Variants in DCLK2 observed in about 807,000 individuals in gnomAD.
The protein encoded by DCLK2 is doublecortin like kinase 2.
DCLK2 carries 31 observed loss-of-function variants against 78.4 expected under a neutral mutation model. The ratio of observed to expected loss-of-function variants is 0.40; its 90% confidence interval spans 0.30 to 0.53. The LOEUF is 0.53. Among genes scored for constraint, DCLK2 ranks in the 20% least tolerant of loss-of-function variants. The pLI, the probability that DCLK2 is intolerant of heterozygous loss-of-function variation, is 0.61. For missense variants in DCLK2, 872 were observed against 973.7 expected, an observed-to-expected ratio of 0.90 and a Z score of 1.39; for synonymous variants, 407 against 374.9, an observed-to-expected ratio of 1.09 and a Z score of -0.99.
chr4:150,249,230 T>C (rs944205923), intron 14 of DCLK2, among the ~76,000 whole-genome samples: 5 of 152,106 alleles, frequency 3.3e-5, no homozygotes, highest in African/African-American at 7.2e-5. Flanking sequence ...GATGCTTCCA[T>C]GGGAGGGATC....
intron 10 of DCLK2, among the ~76,000 whole-genome samples, chr4:150,235,780 T>C (rs762998415): frequency 2.6e-5 from 4 of 152,226 alleles, no homozygotes; most frequent in African/African-American, 4.8e-5. Context: ...TGTCGGCCTC[T>C]TCTTGCTCTG....
intron 1 of DCLK2, among the ~76,000 whole-genome samples, chr4:150,087,050 C>A: frequency 6.6e-6 from 1 of 152,080 alleles, no homozygotes; most frequent in South Asian, 2.1e-4. Flanking sequence ...AATGAATATT[C>A]TTTTATTCCT....
chr4:150,148,997 C>T (rs1734682451), intron 2 of DCLK2, among the ~76,000 whole-genome samples: 1 of 143,050 alleles, frequency 7.0e-6, no homozygotes, highest in Non-Finnish European at 1.5e-5. Context: ...GAGATTGCAC[C>T]ACTGCACTCC....
At chr4:150,110,800 G>T (rs1412153686) in intron 2 of DCLK2, among the ~76,000 whole-genome samples, 1 of 152,122 alleles carries the variant, frequency 6.6e-6, no homozygotes, top group Non-Finnish European at 1.5e-5. Flanking sequence ...CCAGGTTGCT[G>T]CAGAAGATAT....
chr4:150,226,972 C>A lies in DCLK2; in HGVS notation c.1299+2414C>A, dbSNP rs1310678723. Among the ~76,000 whole-genome samples, 3 of 152,276 alleles carry A rather than the reference C, an allele frequency of 2.0e-5. No individual in the cohort carries two copies. In the East Asian group the frequency reaches 5.8e-4, roughly 29 times the overall value. On this transcript the variant is annotated intron_variant, in intron 8 of 15. Coordinates refer to ENST00000296550, the MANE Select transcript of DCLK2 (RefSeq NM_001040260.4). ...AAATTAATAATGCTGAAAATAATAT[C>A]TGCTATTTGTTAAAATGTATTATTT...
chr4:150,221,593 C>T (rs1274507739), intron 6 of DCLK2, 84 bp from the exon 7 acceptor site: 20 of 789,636 alleles, frequency 2.5e-5, no homozygotes, highest in Admixed American at 9.0e-5. Context: ...ATAAATGCAT[C>T]GCAGTTTACT....
At chr4:150,246,419 A>G (rs1381132317) in intron 12 of DCLK2, among the ~76,000 whole-genome samples, 1 of 152,200 alleles carries the variant, frequency 6.6e-6, no homozygotes, top group African/African-American at 2.4e-5. Context: ...TTATTGCTAG[A>G]CACTGTCCTG....
rs80078598 is a variant in DCLK2 at position 150,125,448 on chromosome 4, A to C, written c.756+22636A>C. 9.4e-4 allele frequency among the ~76,000 whole-genome samples: 143 copies of C among 152,364 alleles called. 5 individuals carry two copies. The East Asian group carries it at 0.023, about 24-fold the overall frequency. On this transcript the variant is annotated intron_variant, in intron 2 of 15. Transcript: ENST00000296550. ...CAAATGATGAAGAGTGACAACCATC[A>C]ATGATATTCAAAGAATATGATATAG...
At position 150,105,872 on chromosome 4, in the gene DCLK2, AT is replaced by A. The variant is rs920390318; in HGVS notation, c.756+3067del. Among the ~76,000 whole-genome samples the A allele has an allele frequency of 9.2e-5, 14 of 152,114 alleles. 1 individual carries two copies. The highest frequency in any genetic ancestry group is 2.2e-4 in the African/African-American group (9 of 41,458). On this transcript the variant is annotated intron_variant, in intron 2 of 15. Coordinates refer to ENST00000296550, the MANE Select transcript of DCLK2 (RefSeq NM_001040260.4). Reference sequence around the variant, plus strand: ...GTTAAAGAAAAGTAGCAGCAGAAGTATTTTTTTAAAGCTAATTCAGAAGGAA... The same window carrying A: ...GTTAAAGAAAAGTAGCAGCAGAAGTATTTTTTAAAGCTAATTCAGAAGGAA...
At chr4:150,249,379 G>C (rs1377850018) in intron 14 of DCLK2, among the ~76,000 whole-genome samples, 189 bp from the exon 15 acceptor site, 1 of 152,024 alleles carries the variant, frequency 6.6e-6, no homozygotes, top group Non-Finnish European at 1.5e-5. Flanking sequence ...CTTTCTGAGG[G>C]CATGGGCCTA....
chr4:150,172,408 C>A (rs1011048191), intron 2 of DCLK2, among the ~76,000 whole-genome samples: 11 of 151,792 alleles, frequency 7.2e-5, no homozygotes, highest in African/African-American at 2.7e-4. Context: ...TTGAGACCAT[C>A]CTGGCTAACA....
chr4:150,252,876 C>A lies in DCLK2; in HGVS notation c.2074-3144C>A, dbSNP rs376215343. Among the ~76,000 whole-genome samples the A allele has an allele frequency of 3.9e-5, 6 of 152,182 alleles. 1 individual carries two copies. The highest frequency in any genetic ancestry group is 9.7e-5 in the African/African-American group (4 of 41,444). Reference sequence around the variant, plus strand: ...TCAGAGGAACTGCTGATGTCATGATCCCATTCAGTACCTACAGGGAAATTC... The same window carrying A: ...TCAGAGGAACTGCTGATGTCATGATACCATTCAGTACCTACAGGGAAATTC... On this transcript the variant is annotated intron_variant, in intron 15 of 15. Coordinates refer to ENST00000296550, the MANE Select transcript of DCLK2 (RefSeq NM_001040260.4).
intron 2 of DCLK2, among the ~76,000 whole-genome samples, chr4:150,105,780 T>A (rs1337884998): frequency 6.6e-6 from 1 of 152,076 alleles, no homozygotes; most frequent in African/African-American, 2.4e-5. Context: ...TTTAAAGACA[T>A]GAGAAAATGT....
At chr4:150,084,710 AT>A (rs1415818823) in intron 1 of DCLK2, among the ~76,000 whole-genome samples, 1 of 152,156 alleles carries the variant, frequency 6.6e-6, no homozygotes, top group Non-Finnish European at 1.5e-5. Context: ...GGAAAAGGAT[AT>A]TTTTATGGTC....
chr4:150,113,942 G>C (rs1225088354), intron 2 of DCLK2, among the ~76,000 whole-genome samples: 1 of 152,030 alleles, frequency 6.6e-6, no homozygotes, highest in Non-Finnish European at 1.5e-5. Context: ...TTGACAGCTT[G>C]TGTCACTATT....
chr4:150,235,301 T>TGG (rs1742409798), intron 10 of DCLK2, among the ~76,000 whole-genome samples: 1 of 152,204 alleles, frequency 6.6e-6, no homozygotes, highest in Non-Finnish European at 1.5e-5. Flanking sequence ...CCGCCTCCTT[T>TGG]TTTCTTGTCA....
intron 1 of DCLK2, among the ~76,000 whole-genome samples, chr4:150,099,786 A>G (rs529442866): frequency 6.6e-6 from 1 of 152,242 alleles, no homozygotes; most frequent in East Asian, 1.9e-4. Context: ...GAGGCTATTG[A>G]ACTGTTATTT....
At chr4:150,219,040 C>T (rs189092424) in intron 5 of DCLK2, among the ~76,000 whole-genome samples, 3 of 151,958 alleles carry the variant, frequency 2.0e-5, no homozygotes, top group East Asian at 1.9e-4. Context: ...CCTGTCTCTA[C>T]GAAAAATGCA....
intron 8 of DCLK2, among the ~76,000 whole-genome samples, chr4:150,230,685 G>A (rs866596090): frequency 1.3e-5 from 2 of 152,178 alleles, no homozygotes; most frequent in Non-Finnish European, 2.9e-5. Context: ...GTGAATCAAT[G>A]GAGAGGGTTT....
Sources: gnomAD v4.1 joint callset for allele counts (sites outside exome capture counted in the v4.1 genomes callset) on GRCh38, gnomAD v4.1.1 for gene constraint, MANE v1.5 for transcripts, NCBI Gene and HGNC (gene_info 2026-07-23, HGNC 2026-07-21) for gene names.